EDRF1: variants seen among roughly 807,000 people sequenced by gnomAD.
EDRF1 encodes the protein erythroid differentiation-related factor 1.
In EDRF1, 69 loss-of-function variants were observed where a neutral mutation model predicts 148.7. That is an observed-to-expected ratio of 0.46 (90% confidence interval 0.38 to 0.57). The LOEUF (loss-of-function observed/expected upper bound fraction) is 0.57, where lower values mean the gene tolerates loss of function less well. EDRF1 is among the 20% of genes least tolerant of loss of function. The pLI is 0.00. For missense variants in EDRF1, 1,118 were observed against 1,478.7 expected (o/e 0.76, Z 4.00); for synonymous variants, 515 against 532.8 (o/e 0.97, Z 0.46).
At chr10:125,751,434 A>G (rs1465345459) in intron 22 of EDRF1, among the ~76,000 whole-genome samples, 1 of 146,596 alleles carries the variant, frequency 6.8e-6, no homozygotes, top group Non-Finnish European at 1.5e-5. Context: ...TTTCTAGTAC[A>G]TATGATTCAG....
chr10:125,750,786 G>A (rs938949741), intron 22 of EDRF1, among the ~76,000 whole-genome samples: 1 of 152,122 alleles, frequency 6.6e-6, no homozygotes, highest in Non-Finnish European at 1.5e-5. Flanking sequence ...GGCATATAAC[G>A]CATGGCTAGA....
At chr10:125,727,082 C>G (rs1467852450) in intron 6 of EDRF1, among the ~76,000 whole-genome samples, 2 of 152,030 alleles carry the variant, frequency 1.3e-5, no homozygotes, top group Non-Finnish European at 2.9e-5. Flanking sequence ...AATAAGTAAA[C>G]TAACGCTCAT....
intron 22 of EDRF1, 94 bp downstream of exon 22, chr10:125,749,659 A>G (rs1036063960): frequency 7.5e-6 from 11 of 1,459,242 alleles, no homozygotes; most frequent in Middle Eastern, 4.0e-4. Flanking sequence ...AAATAATACT[A>G]TTTTCTTTTT....
chr10:125,749,363 T>G (rs780974637), intron 21 of EDRF1, 49 bp from the exon 22 acceptor site: 2 of 1,612,062 alleles, frequency 1.2e-6, no homozygotes, highest in Admixed American at 3.3e-5. Context: ...TAGTGAAGCC[T>G]GAAGTAGTTA....
At position 125,750,828 on chromosome 10, in the gene EDRF1, C is replaced by T. The variant is rs186901654; in HGVS notation, c.3277+1263C>T. ...GGACAGTCACCAGAATTAACAGTAGCTCTTTATGTGAGGAAGGTTTGGGGA... is the reference window on the plus strand; with the variant it reads ...GGACAGTCACCAGAATTAACAGTAGTTCTTTATGTGAGGAAGGTTTGGGGA... On this transcript the variant is annotated intron_variant, in intron 22 of 24. Transcript: ENST00000356792. Among the ~76,000 whole-genome samples, 18 of 152,338 alleles carry T rather than the reference C, an allele frequency of 1.2e-4. 1 individual carries two copies. The East Asian group carries it at 2.5e-3, about 21-fold the overall frequency.
Position 125,754,259 on chromosome 10 carries a change from C to G in EDRF1, c.3545+414C>G, listed in dbSNP as rs866964560. 4.0e-5 allele frequency among the ~76,000 whole-genome samples: 6 copies of G among 151,160 alleles called. 1 individual carries two copies. The Middle Eastern group carries it at 0.018, about 444-fold the overall frequency. The stretch of plus-strand genomic sequence containing the variant: ...AAGAAAGAAAAAAATAGGTTGTATT[C>G]TGTCTTGTCTTCTATGTGGATAGTA... On this transcript the variant is annotated intron_variant, in intron 24 of 24. Coordinates refer to ENST00000356792, the MANE Select transcript of EDRF1 (RefSeq NM_001202438.2).
intron 4 of EDRF1, among the ~76,000 whole-genome samples, chr10:125,724,426 G>T (rs554221150): frequency 1.3e-5 from 2 of 152,230 alleles, no homozygotes. Flanking sequence ...TACTGTATTT[G>T]CAGTGTTCAG....
intron 24 of EDRF1, among the ~76,000 whole-genome samples, chr10:125,759,848 C>A (rs1290333086): frequency 6.6e-6 from 1 of 152,016 alleles, no homozygotes; most frequent in Non-Finnish European, 1.5e-5. Context: ...GTAGCTGGGA[C>A]TACAGGCATC....
chr10:125,762,157 G>A (rs528836281), intron 24 of EDRF1, among the ~76,000 whole-genome samples: 1 of 152,306 alleles, frequency 6.6e-6, no homozygotes, highest in African/African-American at 2.4e-5. Context: ...AATAGAAAGG[G>A]GAACTCCTGG....
intron 22 of EDRF1, chr10:125,751,818 A>G (rs1043040483): frequency 2.6e-5 from 4 of 152,248 alleles, no homozygotes; most frequent in Non-Finnish European, 5.9e-5. Context: ...CATTAAAATC[A>G]GCCAAGGGAA....
intron 2 of EDRF1, among the ~76,000 whole-genome samples, chr10:125,722,088 AGCC>A: frequency 6.6e-6 from 1 of 152,240 alleles, no homozygotes; most frequent in Non-Finnish European, 1.5e-5. Context: ...ATTATCCTAA[AGCC>A]TCAGAAAATA....
At chr10:125,741,587 GTATT>G in intron 17 of EDRF1, 1 of 253,994 alleles carries the variant, frequency 3.9e-6, no homozygotes, top group South Asian at 4.5e-5. Context: ...ATGATCTTGT[GTATT>G]TGTATAAAAT....
Position 125,730,316 on chromosome 10 carries a change from A to C in EDRF1, c.1045A>C (p.Thr349Pro). 1 of 1,613,952 alleles carries C rather than the reference A, an allele frequency of 6.2e-7. No individual in the cohort carries two copies. The highest frequency in any genetic ancestry group is 8.5e-7 in the Non-Finnish European group (1 of 1,179,828). Residue 349 changes from threonine to proline, a missense_variant, in exon 9 of 25, where the codon ACT becomes CCT. Around this residue, in one of 3 missense-constraint regions of EDRF1, gnomAD observed 954 missense variants for 1,241.4 expected, o/e 0.77. Transcript: ENST00000356792. ...TAACAACAAACCAATTAATGTGCTA[A>C]CTGGAATTGACTATTGGTTGGACAA... Reference protein sequence around the residue: ...RDNNKPINVLTGIDYWLDNLI... With the variant: ...RDNNKPINVLPGIDYWLDNLI...
At position 125,729,080 on chromosome 10, in the gene EDRF1, A is replaced by G. The variant is rs1350358284; in HGVS notation, c.870A>G (p.Leu290=). The G allele has an allele frequency of 1.3e-6, 2 of 1,572,858 alleles. No homozygotes were observed. The highest frequency in any genetic ancestry group is 2.3e-5 in the South Asian group (2 of 86,958). The change falls in exon 7 of 25, where the codon TTA becomes TTG. Residue 290 remains leucine, a synonymous_variant. Transcript: ENST00000356792. ...SAPKEQNLIT[L]FNDGEHSQGL... ...CCAAAGAACAAAACCTGATTACTTTATTCAATGACGGGGAGCACAGTCAGG... is the reference window on the plus strand; with the variant it reads ...CCAAAGAACAAAACCTGATTACTTTGTTCAATGACGGGGAGCACAGTCAGG...
At chr10:125,720,404 G>T (rs1847925496) in intron 1 of EDRF1, among the ~76,000 whole-genome samples, 1 of 152,164 alleles carries the variant, frequency 6.6e-6, no homozygotes, top group South Asian at 2.1e-4. Context: ...AAGAGTATTT[G>T]AACCATGCAT....
At chr10:125,728,682 A>G (rs936114630) in intron 6 of EDRF1, among the ~76,000 whole-genome samples, 2 of 152,226 alleles carry the variant, frequency 1.3e-5, no homozygotes, top group African/African-American at 2.4e-5. Context: ...TTTAAATTCA[A>G]TATAGATAGA....
chr10:125,753,625 A>G, intron 23 of EDRF1, 69 bp from the exon 24 acceptor site: 1 of 1,561,798 alleles, frequency 6.4e-7, no homozygotes, highest in Non-Finnish European at 8.8e-7. Context: ...CTGCAGTTCC[A>G]TCACTTGGTA....
At position 125,728,104 on chromosome 10, in the gene EDRF1, A is replaced by T. The variant is rs561232777; in HGVS notation, c.793-899A>T. ...GTAATCCCAGCTACTCGGGAGGCTG[A>T]GGTAGGAGAATTGCTTGAACCCAGG... On this transcript the variant is annotated intron_variant, in intron 6 of 24. Coordinates refer to ENST00000356792, the MANE Select transcript of EDRF1 (RefSeq NM_001202438.2). Among the ~76,000 whole-genome samples the T allele has an allele frequency of 3.3e-5, 5 of 151,160 alleles. No homozygotes were observed. In the South Asian group the frequency reaches 1.0e-3, roughly 32 times the overall value.
chr10:125,733,996 C>A, intron 11 of EDRF1, 76 bp from the exon 12 acceptor site: 2 of 1,201,280 alleles, frequency 1.7e-6, no homozygotes, highest in Non-Finnish European at 2.5e-6. Context: ...TGGAAAGAAA[C>A]AAGAGCACTC....
Sources: allele counts gnomAD v4.1 joint callset (sites outside exome capture counted in the v4.1 genomes callset), GRCh38; gene constraint gnomAD v4.1.1; regional missense constraint gnomAD v4.1.1; transcripts MANE v1.5; gene names NCBI Gene and HGNC (gene_info 2026-07-23, HGNC 2026-07-21).